AKAP6: variants seen among roughly 807,000 people sequenced by gnomAD.
AKAP6 encodes the protein A-kinase anchoring protein 6.
Under a neutral mutation model 188.5 loss-of-function variants are expected in AKAP6, and 58 were observed. That is an observed-to-expected ratio of 0.31 (90% CI 0.25 to 0.38). The LOEUF (loss-of-function observed/expected upper bound fraction) is 0.38. Ranked by LOEUF, AKAP6 falls within the 10% of genes least tolerant of loss-of-function variation. The pLI is 1.00. For missense variants in AKAP6, 2,710 were observed against 2,740.0 expected, an observed-to-expected ratio of 0.99 and a Z score of 0.24; for synonymous variants, 989 against 998.6, an observed-to-expected ratio of 0.99 and a Z score of 0.18.
At chr14:32,754,576 T>G (rs2032262859) in intron 11 of AKAP6, among the ~76,000 whole-genome samples, 1 of 152,238 alleles carries the variant, frequency 6.6e-6, no homozygotes, top group Non-Finnish European at 1.5e-5. Flanking sequence ...AATTTGACTT[T>G]ATCTTTACAT....
At chr14:32,691,271 T>C (rs1417544203) in intron 8 of AKAP6, among the ~76,000 whole-genome samples, 1 of 152,200 alleles carries the variant, frequency 6.6e-6, no homozygotes, top group African/African-American at 2.4e-5. Context: ...AGAATCAGCA[T>C]ATTCTCCAAG....
At chr14:32,697,943 G>A (rs1890468625) in intron 9 of AKAP6, among the ~76,000 whole-genome samples, 1 of 152,006 alleles carries the variant, frequency 6.6e-6, no homozygotes, top group African/African-American at 2.4e-5. Flanking sequence ...TTTTTCATTT[G>A]TGACTCACGT....
chr14:32,386,445 T>A (rs573968319), intron 1 of AKAP6, among the ~76,000 whole-genome samples: 3 of 152,260 alleles, frequency 2.0e-5, no homozygotes, highest in Non-Finnish European at 2.9e-5. Flanking sequence ...CACTTTTTAA[T>A]AGGATTGTTT....
At chr14:32,631,518 A>G (rs572810253) in intron 7 of AKAP6, among the ~76,000 whole-genome samples, 2 of 152,204 alleles carry the variant, frequency 1.3e-5, no homozygotes, top group East Asian at 3.9e-4. Flanking sequence ...GTGTAGTTGT[A>G]CAAAACCAGG....
At chr14:32,759,238 A>G (rs868638426) in intron 11 of AKAP6, among the ~76,000 whole-genome samples, 65 of 152,302 alleles carry the variant, frequency 4.3e-4, no homozygotes, top group African/African-American at 1.4e-3. Flanking sequence ...TGAAATTAAT[A>G]TTATTAGGAT....
chr14:32,828,517 TCTCTCTCTCTCTCACACACACA>T (rs1357598697), intron 13 of AKAP6, among the ~76,000 whole-genome samples: 1 of 49,350 alleles, frequency 2.0e-5, no homozygotes. Flanking sequence ...TCTCTCTCTC[TCTCTCTCTCTCTCACACACACA>T]CACACACACA....
intron 11 of AKAP6, among the ~76,000 whole-genome samples, chr14:32,765,412 G>A (rs2032681856): frequency 6.6e-6 from 1 of 152,102 alleles, no homozygotes; most frequent in Non-Finnish European, 1.5e-5. Flanking sequence ...AGTTTCATAA[G>A]ATGTATATGA....
Position 32,732,533 on chromosome 14 carries a change from G to C in AKAP6, c.3080G>C (p.Gly1027Ala), listed in dbSNP as rs985710376. ...LSKVEALKKG[G>A]VLLPNDLLEK... ...AAGGTTGAAGCTTTGAAGAAAGGTG[G>C]CGTTTTACTACCAAATGATCTCCTT... is the stretch of plus-strand genomic sequence containing the variant. The change falls in exon 10 of 14, where the codon GGC (glycine) becomes GCC (alanine). Residue 1027 changes from glycine to alanine, a missense_variant. Physicochemically the swap from Gly to Ala is moderately conservative, Grantham distance 60. This residue lies in a region of AKAP6 where 2,473 missense variants were observed against 2,426.1 expected (regional missense o/e 1.02). Transcript: ENST00000280979. 1.2e-6 allele frequency: 2 copies of C among 1,613,378 alleles called. No homozygotes were observed. The highest frequency in any genetic ancestry group is 3.3e-5 in the Admixed American group (2 of 59,890).
At chr14:32,687,399 T>C (rs1331480608) in intron 8 of AKAP6, among the ~76,000 whole-genome samples, 7 of 91,978 alleles carry the variant, frequency 7.6e-5, no homozygotes, top group Non-Finnish European at 1.2e-4. Flanking sequence ...TCATACTAAC[T>C]ATCTCTCTCT....
At chr14:32,401,044 A>C (rs749627435) in intron 1 of AKAP6, among the ~76,000 whole-genome samples, 10 of 152,156 alleles carry the variant, frequency 6.6e-5, no homozygotes, top group Admixed American at 1.3e-4. Context: ...CATAGAAAAA[A>C]ATGGTTCTGT....
At chr14:32,704,267 C>A (rs1223043919) in intron 9 of AKAP6, among the ~76,000 whole-genome samples, 2 of 152,098 alleles carry the variant, frequency 1.3e-5, no homozygotes, top group African/African-American at 4.8e-5. Flanking sequence ...GATTAAGTTG[C>A]AAAAAATTTC....
intron 2 of AKAP6, among the ~76,000 whole-genome samples, chr14:32,490,563 C>T (rs1879957147): frequency 6.6e-6 from 1 of 151,992 alleles, no homozygotes; most frequent in Non-Finnish European, 1.5e-5. Flanking sequence ...TGAAGTGGTC[C>T]TTTAGAGGTC....
chr14:32,722,873 G>A (rs978023274), intron 9 of AKAP6, among the ~76,000 whole-genome samples: 2 of 152,174 alleles, frequency 1.3e-5, no homozygotes, highest in Non-Finnish European at 2.9e-5. Context: ...AACCCAAAAA[G>A]GCTATCAAGC....
intron 9 of AKAP6, chr14:32,718,333 C>T: frequency 1.0e-6 from 1 of 985,136 alleles, no homozygotes; most frequent in Non-Finnish European, 1.2e-6. Flanking sequence ...AGCCTTAAAG[C>T]CTAAAATCTC....
intron 1 of AKAP6, among the ~76,000 whole-genome samples, chr14:32,340,455 T>C (rs1046407029): frequency 6.6e-6 from 1 of 152,196 alleles, no homozygotes; most frequent in Non-Finnish European, 1.5e-5. Flanking sequence ...TGAATCTTGG[T>C]TTCCTCCACA....
At chr14:32,672,698 C>CA (rs113071468) in intron 7 of AKAP6, among the ~76,000 whole-genome samples, 2,242 of 152,136 alleles carry the variant, frequency 0.015, 53 homozygotes, top group African/African-American at 0.048. Flanking sequence ...TAATTCAGTC[C>CA]ATAATATTAT....
intron 2 of AKAP6, among the ~76,000 whole-genome samples, chr14:32,464,120 A>G (rs566356795): frequency 6.6e-6 from 1 of 152,290 alleles, no homozygotes; most frequent in South Asian, 2.1e-4. Context: ...CCAACCAAAA[A>G]AAGCCCAGGA....
chr14:32,706,861 C>T (rs949657909), intron 9 of AKAP6, among the ~76,000 whole-genome samples: 3 of 152,018 alleles, frequency 2.0e-5, no homozygotes, highest in African/African-American at 7.2e-5. Flanking sequence ...GGCTAATGCT[C>T]TTATGGCCTT....
intron 5 of AKAP6, among the ~76,000 whole-genome samples, chr14:32,583,019 C>T (rs544488350): frequency 4.6e-5 from 7 of 152,338 alleles, no homozygotes. Context: ...CAGCTTTATT[C>T]TGTTGCTGGT....
Sources: allele counts gnomAD v4.1 joint callset (sites outside exome capture counted in the v4.1 genomes callset), GRCh38; gene constraint gnomAD v4.1.1; regional missense constraint gnomAD v4.1.1; transcripts MANE v1.5; gene names NCBI Gene and HGNC (gene_info 2026-07-23, HGNC 2026-07-21).